DNPEP: variants seen among roughly 807,000 people sequenced by gnomAD.
DNPEP encodes the protein aspartyl aminopeptidase.
In DNPEP, 46 loss-of-function variants were observed where a neutral mutation model predicts 59.1. The ratio of observed to expected loss-of-function variants is 0.78; its 90% confidence interval spans 0.61 to 0.99. The LOEUF (loss-of-function observed/expected upper bound fraction) is 0.99, where lower values mean the gene tolerates loss of function less well. Among genes scored for constraint, DNPEP ranks in the 50% least tolerant of loss-of-function variants. The probability of loss-of-function intolerance (pLI) is 0.00; values close to 1 mark genes in which losing one functional copy is unlikely to be tolerated. For synonymous variants in DNPEP, 229 were observed against 242.2 expected (o/e 0.95, Z 0.50); for missense variants, 617 against 649.9 (o/e 0.95, Z 0.55).
At position 219,387,823 on chromosome 2, in the gene DNPEP, C is replaced by A. The variant is rs1363212068; in HGVS notation, c.-29G>T. 1.9e-6 allele frequency: 3 copies of A among 1,557,258 alleles called. No homozygotes were observed. The highest frequency in any genetic ancestry group is 2.8e-5 in the African/African-American group (2 of 71,134). Reference sequence around the variant, plus strand: ...GCCTCCGGGCTCGGCCCGCCCCCACCGCGCCGCCTGCCCCGCCCCTCACTA... The same window carrying A: ...GCCTCCGGGCTCGGCCCGCCCCCACAGCGCCGCCTGCCCCGCCCCTCACTA... On this transcript the variant is annotated 5_prime_UTR_variant, in exon 1 of 15. Coordinates refer to ENST00000273075, the MANE Select transcript of DNPEP (RefSeq NM_012100.4).
intron 9 of DNPEP, among the ~76,000 whole-genome samples, chr2:219,383,854 G>A (rs1367937569): frequency 1.3e-5 from 2 of 152,216 alleles, no homozygotes; most frequent in Admixed American, 1.3e-4. Flanking sequence ...GGCAGAGGGA[G>A]ATCAAGGGCA....
intron 11 of DNPEP, 90 bp from the exon 12 acceptor site, chr2:219,381,674 T>A: frequency 7.2e-7 from 1 of 1,397,688 alleles, no homozygotes; most frequent in Non-Finnish European, 1.0e-6. Context: ...CACTAATAGA[T>A]CACCACTCTT....
At chr2:219,374,390 G>A in intron 14 of DNPEP, 48 bp from the exon 15 acceptor site, 1 of 1,558,396 alleles carries the variant, frequency 6.4e-7, no homozygotes, top group Non-Finnish European at 8.9e-7. Context: ...GTGACCAGAT[G>A]GAGATGTCCT....
chr2:219,387,879 G>C lies in DNPEP; in HGVS notation c.-85C>G, dbSNP rs1410088817. On this transcript the variant is annotated 5_prime_UTR_variant, in exon 1 of 15. Coordinates refer to ENST00000273075, the MANE Select transcript of DNPEP (RefSeq NM_012100.4). Reference sequence around the variant, plus strand: ...GCAGGTCCCCCGCGTGCCCCTTCAGGCCGCGCCGCACTCGTAGGCCTTCAT... The same window carrying C: ...GCAGGTCCCCCGCGTGCCCCTTCAGCCCGCGCCGCACTCGTAGGCCTTCAT... The C allele has an allele frequency of 1.4e-6, 2 of 1,456,572 alleles. No individual in the cohort carries two copies. Among genetic ancestry groups the C allele is most frequent in the East Asian group, 5.5e-5 (2 of 36,062 alleles). The allele number at this position is 1,456,572 out of a possible 1,614,324, so 90.2% of individuals were successfully genotyped here. A position where few individuals can be genotyped will look rare whatever the true frequency, so the allele number is the denominator to read the frequency against.
rs551810329 is a variant in DNPEP, at chr2:219,377,665, T to G, written c.1240-2643A>C. ...GGGGTTGGGAATGGTGGCTCATGCC[T>G]GTAATCCTAGCACTTTGGGAGGCCA... On this transcript the variant is annotated intron_variant, in intron 13 of 14. Coordinates refer to ENST00000273075, the MANE Select transcript of DNPEP (RefSeq NM_012100.4). Among the ~76,000 whole-genome samples, 8 of 152,300 alleles carry G rather than the reference T, an allele frequency of 5.3e-5. No homozygotes were observed. In the South Asian group the frequency reaches 1.0e-3, roughly 20 times the overall value.
At chr2:219,382,617 T>C (rs971871307) in intron 10 of DNPEP, among the ~76,000 whole-genome samples, 2 of 152,208 alleles carry the variant, frequency 1.3e-5, no homozygotes, top group Admixed American at 1.3e-4. Flanking sequence ...GGGTGTCTAC[T>C]GCCCCTTTGC....
At position 219,373,316 on chromosome 2, in the gene DNPEP, C is replaced by T. The variant is rs958554903; in HGVS notation, c.*976G>A. Among the ~76,000 whole-genome samples the T allele has an allele frequency of 2.6e-5, 4 of 152,102 alleles. No individual in the cohort carries two copies. The highest frequency in any genetic ancestry group is 5.9e-5 in the Non-Finnish European group (4 of 68,036). On this transcript the variant is annotated 3_prime_UTR_variant, in exon 15 of 15. Transcript: ENST00000273075. ...CTCCCGACCTCAGGTGATCCGCCCA[C>T]CTCAGCCTCCTAAAGTGCTGGGACT...
At chr2:219,380,526 G>A (rs1953548349) in intron 13 of DNPEP, among the ~76,000 whole-genome samples, 3 of 151,982 alleles carry the variant, frequency 2.0e-5, no homozygotes, top group African/African-American at 7.3e-5. Context: ...CTGGCCTTCT[G>A]TACCTTTTCT....
chr2:219,383,457 T>G (rs1953683854), intron 9 of DNPEP, among the ~76,000 whole-genome samples: 1 of 151,934 alleles, frequency 6.6e-6, no homozygotes. Context: ...TAAGGTGTGG[T>G]GAGGACCTTT....
At chr2:219,397,585 C>T (rs184815711) in intron 1 of DNPEP, among the ~76,000 whole-genome samples, 44 of 152,260 alleles carry the variant, frequency 2.9e-4, no homozygotes, top group Non-Finnish European at 4.7e-4. Flanking sequence ...CTATTAGGCC[C>T]ACACGGACAC....
In DNPEP at chr2:219,382,047, G is replaced by A. The variant is rs756401119; in HGVS notation, c.1029C>T (p.Phe343=). 5.6e-6 allele frequency: 9 copies of A among 1,614,024 alleles called. No homozygotes were observed. Among genetic ancestry groups the A allele is most frequent in the Admixed American group, 1.7e-5 (1 of 60,000 alleles). Residue 343 remains phenylalanine, a synonymous_variant, in exon 11 of 15, where the codon TTC becomes TTT. Transcript: ENST00000273075. ...TGAAGGACTTGGGTATGGCTTCCTC[G>A]AAGGCTGTCGGGTGCTGGCACGAGG... The part of the protein sequence containing the change: ...ISASCQHPTA[F]EEAIPKSFMI...
At chr2:219,383,274 C>T in intron 9 of DNPEP, 60 bp from the exon 10 acceptor site, 7 of 1,489,372 alleles carry the variant, frequency 4.7e-6, no homozygotes, top group Non-Finnish European at 6.6e-6. Flanking sequence ...GAACTCAGCC[C>T]ACCAGCACCT....
At chr2:219,378,938 A>G (rs753084573) in intron 13 of DNPEP, among the ~76,000 whole-genome samples, 3 of 151,848 alleles carry the variant, frequency 2.0e-5, no homozygotes, top group Admixed American at 6.6e-5. Flanking sequence ...TTATTTTGAG[A>G]TGGAGTTTCA....
intron 8 of DNPEP, 38 bp downstream of exon 8, chr2:219,385,386 A>G: frequency 6.9e-7 from 1 of 1,456,046 alleles, no homozygotes; most frequent in South Asian, 1.1e-5. Context: ...AGGATCCTGG[A>G]GGCCCTTCAC....
rs199530151 is a variant in DNPEP at position 219,386,309 on chromosome 2, G to A, written c.436C>T (p.Leu146=). ...ACCTTGACAATGACGCGTCCAGCCA[G>A]AGTCAGGTCACGGTCAAACCAGGTG... ...WSTWFDRDLT[L]AGRVIVKCPT... The change falls in exon 5 of 15, where the codon CTG becomes TTG. Residue 146 remains leucine (L), a synonymous_variant. Coordinates refer to ENST00000273075, the MANE Select transcript of DNPEP (RefSeq NM_012100.4). 14 of 1,614,134 alleles carry A rather than the reference G, an allele frequency of 8.7e-6. No homozygotes were observed. Among genetic ancestry groups the A allele is most frequent in the African/African-American group, 8.0e-5 (6 of 75,022 alleles).
chr2:219,376,900 T>C (rs989393867), intron 13 of DNPEP, among the ~76,000 whole-genome samples: 2 of 151,770 alleles, frequency 1.3e-5, no homozygotes, highest in Non-Finnish European at 2.9e-5. Context: ...GGTCAATCTT[T>C]GCAAGGCTAA....
intron 14 of DNPEP, 127 bp from the exon 15 acceptor site, chr2:219,374,469 C>T (rs1953288756): frequency 1.2e-6 from 1 of 841,040 alleles, no homozygotes; most frequent in Non-Finnish European, 1.9e-6. Context: ...TCTTGACAGC[C>T]ACCCCAGTCT....
At chr2:219,378,093 T>A (rs1953445533) in intron 13 of DNPEP, among the ~76,000 whole-genome samples, 1 of 152,238 alleles carries the variant, frequency 6.6e-6, no homozygotes, top group Non-Finnish European at 1.5e-5. Context: ...TTCTGCAGAT[T>A]AGTGTTTTAT....
chr2:219,382,628 C>T (rs578252391), intron 10 of DNPEP, among the ~76,000 whole-genome samples: 1 of 152,254 alleles, frequency 6.6e-6, no homozygotes, highest in Admixed American at 6.5e-5. Flanking sequence ...GCCCCTTTGC[C>T]CTCTCTTCCC....
Sources: allele counts gnomAD v4.1 joint callset (sites outside exome capture counted in the v4.1 genomes callset), GRCh38; gene constraint gnomAD v4.1.1; transcripts MANE v1.5; gene names NCBI Gene and HGNC (gene_info 2026-07-23, HGNC 2026-07-21).